Variants in LRP1B observed in about 807,000 individuals in gnomAD.
LRP1B encodes low-density lipoprotein receptor-related protein 1B.
A neutral mutation model predicts 556.6 loss-of-function variants in LRP1B; 217 were observed. The observed-to-expected ratio is 0.39, with a 90% CI of 0.35 to 0.44. The LOEUF is 0.44. Among genes scored for constraint, LRP1B ranks in the 20% least tolerant of loss-of-function variants. The pLI is 1.00. For missense variants in LRP1B, 5,053 were observed against 5,620.8 expected, an observed-to-expected ratio of 0.90 and a Z score of 3.23; for synonymous variants, 2,047 against 1,865.8, an observed-to-expected ratio of 1.10 and a Z score of -2.50.
At chr2:140,889,965 TTAC>T (rs1693749994) in intron 23 of LRP1B, among the ~76,000 whole-genome samples, 1 of 152,122 alleles carries the variant, frequency 6.6e-6, no homozygotes, top group African/African-American at 2.4e-5. Context: ...ATAAGGCCAT[TTAC>T]TACAACATAG....
chr2:141,690,233 A>G (rs1209169349), intron 2 of LRP1B, among the ~76,000 whole-genome samples: 2 of 150,926 alleles, frequency 1.3e-5, no homozygotes, highest in African/African-American at 2.4e-5. Context: ...AATTATATTG[A>G]ATTTTATTAT....
At chr2:141,488,366 T>G (rs1683192911) in intron 2 of LRP1B, among the ~76,000 whole-genome samples, 1 of 152,168 alleles carries the variant, frequency 6.6e-6, no homozygotes, top group South Asian at 2.1e-4. Flanking sequence ...GTTTTGCACT[T>G]CCTCTGATTA....
At chr2:141,610,430 A>T (rs2035446) in intron 2 of LRP1B, among the ~76,000 whole-genome samples, 138,029 of 152,008 alleles carry the variant, frequency 0.91, 64,156 homozygotes, top group East Asian at 1. Flanking sequence ...ATGCTTTTCT[A>T]AGCTGCCACG....
At chr2:141,589,709 G>A (rs1481233963) in intron 2 of LRP1B, among the ~76,000 whole-genome samples, 1 of 152,158 alleles carries the variant, frequency 6.6e-6, no homozygotes, top group African/African-American at 2.4e-5. Context: ...GAGTTTTATT[G>A]TTTAAATCCT....
intron 1 of LRP1B, among the ~76,000 whole-genome samples, chr2:142,020,785 G>T (rs1703304126): frequency 6.6e-6 from 1 of 152,144 alleles, no homozygotes; most frequent in African/African-American, 2.4e-5. Context: ...ATTAGAATTG[G>T]ATTAGAATCA....
Position 140,951,895 on chromosome 2 carries a change from C to T in LRP1B, c.2933G>A (p.Gly978Glu), listed in dbSNP as rs28483746. The change falls in exon 19 of 91, where the codon GGA becomes GAA. Residue 978 changes from glycine (G) to glutamate (E), a missense_variant. This residue lies in a region of LRP1B where 3,619 missense variants were observed against 3,931.9 expected (regional missense o/e 0.92). Coordinates refer to ENST00000389484, the MANE Select transcript of LRP1B (RefSeq NM_018557.3). Reference protein sequence around the residue: ...EPLTQFVCKSGRCISSKWHCD... With the variant: ...EPLTQFVCKSERCISSKWHCD... ...GTGCCATTTGCTGCTAATGCATCTT[C>T]CACTTTTGCATACGAATTGGGTTAG... 6 of 1,614,030 alleles carry T rather than the reference C, an allele frequency of 3.7e-6. No individual in the cohort carries two copies. The highest frequency in any genetic ancestry group is 4.2e-6 in the Non-Finnish European group (5 of 1,179,930).
chr2:141,327,245 T>C (rs1443314144), intron 3 of LRP1B, among the ~76,000 whole-genome samples: 1 of 152,134 alleles, frequency 6.6e-6, no homozygotes, highest in Non-Finnish European at 1.5e-5. Context: ...GAAGGACATA[T>C]GGAGTTTACC....
chr2:142,035,488 C>T (rs1480699768), intron 1 of LRP1B, among the ~76,000 whole-genome samples: 1 of 151,350 alleles, frequency 6.6e-6, no homozygotes, highest in Non-Finnish European at 1.5e-5. Flanking sequence ...TATTCACAGA[C>T]GGTTCTAATG....
intron 31 of LRP1B, among the ~76,000 whole-genome samples, chr2:140,814,871 C>A (rs1157188054): frequency 6.6e-6 from 1 of 152,076 alleles, no homozygotes; most frequent in Non-Finnish European, 1.5e-5. Flanking sequence ...TCACATATTA[C>A]AGTGGTGGCC....
intron 2 of LRP1B, among the ~76,000 whole-genome samples, chr2:141,661,004 A>G (rs551249927): frequency 5.9e-5 from 9 of 152,158 alleles, no homozygotes; most frequent in Admixed American, 6.5e-5. Context: ...TCCACTGGTG[A>G]CACCTCCAGG....
intron 41 of LRP1B, among the ~76,000 whole-genome samples, chr2:140,649,737 A>G (rs754126724): frequency 8.5e-5 from 13 of 152,242 alleles, no homozygotes; most frequent in Non-Finnish European, 1.8e-4. Flanking sequence ...GAATCTACCA[A>G]ACTATAAGAA....
At chr2:141,628,771 C>G (rs935839454) in intron 2 of LRP1B, among the ~76,000 whole-genome samples, 2 of 152,056 alleles carry the variant, frequency 1.3e-5, no homozygotes, top group Non-Finnish European at 2.9e-5. Flanking sequence ...CCAAAGCCTC[C>G]TGAGTAGCTG....
At chr2:141,507,332 T>G (rs1467367057) in intron 2 of LRP1B, among the ~76,000 whole-genome samples, 1 of 152,178 alleles carries the variant, frequency 6.6e-6, no homozygotes, top group Non-Finnish European at 1.5e-5. Flanking sequence ...GATTTTATTA[T>G]TAAACCAAAA....
chr2:140,503,064 T>A lies in LRP1B; in HGVS notation c.8561A>T (p.Asp2854Val), dbSNP rs1350969713. ...TTGAGTATTTAGAAGACACCGCCCA[T>A]CAGCACAACTAAATTCTTCTGTACC... is the stretch of plus-strand genomic sequence containing the variant. ...QCGTEEFSCA[D>V]GRCLLNTQWQ... Residue 2854 changes from aspartate to valine, a missense_variant, in exon 54 of 91, where the codon GAT (aspartate) becomes GTT (valine). Physicochemically the swap from Asp to Val is radical, Grantham distance 152. This residue lies in a region of LRP1B where 3,619 missense variants were observed against 3,931.9 expected (regional missense o/e 0.92). Coordinates refer to ENST00000389484, the MANE Select transcript of LRP1B (RefSeq NM_018557.3). The A allele has an allele frequency of 1.2e-6, 2 of 1,613,334 alleles. No individual in the cohort carries two copies. Among genetic ancestry groups the A allele is most frequent in the Non-Finnish European group, 1.7e-6 (2 of 1,179,408 alleles).
chr2:140,446,243 A>G (rs900010792), intron 63 of LRP1B, among the ~76,000 whole-genome samples: 3 of 152,092 alleles, frequency 2.0e-5, no homozygotes, highest in Admixed American at 6.6e-5. Flanking sequence ...CCTCCACCAG[A>G]AAAAGGTTGC....
chr2:140,318,436 G>A (rs1405212065), intron 82 of LRP1B, among the ~76,000 whole-genome samples: 5 of 152,118 alleles, frequency 3.3e-5, no homozygotes, highest in Non-Finnish European at 7.4e-5. Flanking sequence ...TCGTGGATAA[G>A]TGTGCATGTA....
In LRP1B at chr2:140,456,694, T is replaced by C. The variant is rs1687121964; in HGVS notation, c.9815-91A>G. 4.5e-6 allele frequency: 5 copies of C among 1,119,576 alleles called. No homozygotes were observed. The South Asian group carries it at 5.7e-5, about 13-fold the overall frequency. The allele number at this position is 1,119,576 out of a possible 1,614,324, so 69.4% of individuals were successfully genotyped here. A position where few individuals can be genotyped will look rare whatever the true frequency, so the allele number is the denominator to read the frequency against. ...TTAGAGATAGGACTTTTAAGCTGCA[T>C]AACTTGAATTAGAATAAATCTTTGT... On this transcript the variant is annotated intron_variant, in intron 61 of 90. Transcript: ENST00000389484.
intron 2 of LRP1B, among the ~76,000 whole-genome samples, chr2:141,655,943 A>G (rs1419999652): frequency 1.3e-5 from 2 of 152,114 alleles, no homozygotes; most frequent in Non-Finnish European, 2.9e-5. Context: ...TTGATGAAAC[A>G]CTTCCATGGA....
At chr2:141,644,236 C>T (rs936848247) in intron 2 of LRP1B, among the ~76,000 whole-genome samples, 2 of 151,988 alleles carry the variant, frequency 1.3e-5, no homozygotes, top group African/African-American at 2.4e-5. Context: ...ATGGGAGGAA[C>T]CCGGTGGGAG....
Sources: allele counts gnomAD v4.1 joint callset (sites outside exome capture counted in the v4.1 genomes callset), GRCh38; gene constraint gnomAD v4.1.1; regional missense constraint gnomAD v4.1.1; transcripts MANE v1.5; gene names NCBI Gene and HGNC (gene_info 2026-07-23, HGNC 2026-07-21).